Variants in ARHGAP6 observed in about 807,000 individuals in gnomAD.
ARHGAP6 encodes the protein Rho GTPase activating protein 6.
A neutral mutation model predicts 55.7 loss-of-function variants in ARHGAP6; 16 were observed. That is an observed-to-expected ratio of 0.29 (90% CI 0.19 to 0.44). The LOEUF (loss-of-function observed/expected upper bound fraction) is 0.44, where lower values mean the gene tolerates loss of function less well. Among genes scored for constraint, ARHGAP6 ranks in the 20% least tolerant of loss-of-function variants. ARHGAP6 has a pLI of 1.00. For synonymous variants in ARHGAP6, 382 were observed against 360.9 expected (o/e 1.06, Z -0.66); for missense variants, 698 against 808.9 (o/e 0.86, Z 1.66).
chrX:11,333,906 C>T (rs1312306084), intron 1 of ARHGAP6, among the ~76,000 whole-genome samples: 1 of 111,735 alleles, frequency 8.9e-6, no homozygotes, highest in Non-Finnish European at 1.9e-5. Context: ...TGAAATATTG[C>T]AGTGGCATAA....
chrX:11,352,131 C>G (rs2048870548), intron 1 of ARHGAP6, among the ~76,000 whole-genome samples: 1 of 112,584 alleles, frequency 8.9e-6, no homozygotes, highest in African/African-American at 3.2e-5. Context: ...TAATAGTCCT[C>G]TTGAATAAGT....
At chrX:11,624,581 T>G (rs763606767) in intron 1 of ARHGAP6, among the ~76,000 whole-genome samples, 12 of 112,925 alleles carry the variant, frequency 1.1e-4, no homozygotes, top group Non-Finnish European at 1.9e-5. Flanking sequence ...TTTTTTTCTT[T>G]TTTTTGAGAC....
At chrX:11,147,408 G>A (rs1478367093) in intron 10 of ARHGAP6, among the ~76,000 whole-genome samples, 2 of 112,783 alleles carry the variant, frequency 1.8e-5, no homozygotes, top group Non-Finnish European at 3.7e-5. Context: ...AACAGAGAGA[G>A]AGTAGGATTG....
intron 1 of ARHGAP6, among the ~76,000 whole-genome samples, chrX:11,611,689 CCT>C (rs1288944264): frequency 9.0e-6 from 1 of 111,656 alleles, no homozygotes; most frequent in African/African-American, 3.3e-5. Context: ...CAGTAAATCC[CCT>C]CTTTACAATA....
At position 11,139,135 on chromosome X, in the gene ARHGAP6, G is replaced by A; in HGVS notation, c.2653C>T (p.Pro885Ser). The A allele has an allele frequency of 1.7e-6, 2 of 1,206,071 alleles. No individual in the cohort carries two copies. The highest frequency in any genetic ancestry group is 2.2e-6 in the Non-Finnish European group (2 of 893,491). ...RDDKRPPPPY[P>S]GPGKPAAAAA... ...GCTGCCGCGGGCTTCCCTGGGCCCG[G>A]GTATGGAGGCGGGGGCCGCTTGTCA... The change falls in exon 13 of 13, where the codon CCG becomes TCG. Residue 885 changes from proline (P) to serine (S), a missense_variant. Coordinates refer to ENST00000337414, the MANE Select transcript of ARHGAP6 (RefSeq NM_013427.3).
At chrX:11,643,770 T>C (rs1157649352) in intron 1 of ARHGAP6, among the ~76,000 whole-genome samples, 1 of 111,488 alleles carries the variant, frequency 9.0e-6, no homozygotes, top group African/African-American at 3.3e-5. Context: ...GCATAGTTTC[T>C]AGCCTATGCC....
At chrX:11,478,628 A>C (rs1045561506) in intron 1 of ARHGAP6, among the ~76,000 whole-genome samples, 2 of 111,512 alleles carry the variant, frequency 1.8e-5, no homozygotes, top group African/African-American at 6.5e-5. Context: ...AATTTCTTCA[A>C]GACGTACACT....
intron 1 of ARHGAP6, chrX:11,300,493 C>A: frequency 1.6e-6 from 1 of 623,595 alleles, no homozygotes; most frequent in Non-Finnish European, 2.6e-6. Flanking sequence ...TAGAGTTCAA[C>A]TTAAATGGTT....
At chrX:11,567,566 A>AAAAAAAAAAAAAAAATATATATATAT (rs1440758737) in intron 1 of ARHGAP6, among the ~76,000 whole-genome samples, 13 of 84,399 alleles carry the variant, frequency 1.5e-4, no homozygotes, top group Non-Finnish European at 2.1e-4. Flanking sequence ...AAAAAAAAAA[A>AAAAAAAAAAAAAAAATATATATATAT]ATATATATAT....
At chrX:11,499,425 C>CT (rs1211094080) in intron 1 of ARHGAP6, among the ~76,000 whole-genome samples, 1 of 111,867 alleles carries the variant, frequency 8.9e-6, no homozygotes, top group African/African-American at 3.2e-5. Flanking sequence ...CACTGTAGGA[C>CT]TTTTTTTCTA....
intron 1 of ARHGAP6, among the ~76,000 whole-genome samples, chrX:11,389,161 C>A (rs2049371085): frequency 9.0e-6 from 1 of 111,596 alleles, no homozygotes; most frequent in Non-Finnish European, 1.9e-5. Context: ...CAACGCATGA[C>A]AAATCCCTTA....
intron 2 of ARHGAP6, among the ~76,000 whole-genome samples, chrX:11,234,994 G>T (rs908802540): frequency 8.9e-6 from 1 of 112,325 alleles, no homozygotes; most frequent in African/African-American, 3.2e-5. Flanking sequence ...GACATCTGGG[G>T]TCTGGAGGAC....
chrX:11,622,787 T>C (rs762261098), intron 1 of ARHGAP6, among the ~76,000 whole-genome samples: 84 of 111,734 alleles, frequency 7.5e-4, no homozygotes, highest in Non-Finnish European at 1.2e-3. Context: ...AATGTGTATA[T>C]GGATTAGAAA....
rs1007854997 is a variant in ARHGAP6, at chrX:11,352,161, G to A, written c.589-97454C>T. On this transcript the variant is annotated intron_variant, in intron 1 of 12. Transcript: ENST00000337414. ...ATAAGTGGAACTTACGTGTAGAAAGGTTACTGTTCTCATCAATAGCAAAGA... is the reference window on the plus strand; with the variant it reads ...ATAAGTGGAACTTACGTGTAGAAAGATTACTGTTCTCATCAATAGCAAAGA... Among the ~76,000 whole-genome samples, 4 of 112,474 alleles carry A rather than the reference G, an allele frequency of 3.6e-5. No homozygotes were observed. In the Admixed American group the frequency reaches 3.8e-4, roughly 11 times the overall value.
chrX:11,351,543 G>T, intron 1 of ARHGAP6: 1 of 891,100 alleles, frequency 1.1e-6, no homozygotes, highest in Non-Finnish European at 1.4e-6. Context: ...GTAGAAAGGG[G>T]AAGTGAGAAG....
chrX:11,139,485 G>A lies in ARHGAP6; in HGVS notation c.2303C>T (p.Pro768Leu), dbSNP rs975995808. ...IFESSSLRAG[P>L]CSLSQGNLSP... ...CAGGTTCCCTTGAGAAAGGGAGCAG[G>A]GCCCCGCTCTTAGGGAGCTGCTTTC... Residue 768 changes from proline (P) to leucine (L), a missense_variant, in exon 13 of 13, where the codon CCC becomes CTC. Transcript: ENST00000337414. 5 of 1,158,905 alleles carry A rather than the reference G, an allele frequency of 4.3e-6. No individual in the cohort carries two copies. Among genetic ancestry groups the A allele is most frequent in the Non-Finnish European group, 4.6e-6 (4 of 873,063 alleles).
At chrX:11,577,370 G>A (rs913763485) in intron 1 of ARHGAP6, among the ~76,000 whole-genome samples, 4 of 112,011 alleles carry the variant, frequency 3.6e-5, no homozygotes, top group African/African-American at 9.7e-5. Context: ...GAGACTCTGC[G>A]AGACAGAGTG....
At chrX:11,510,561 C>A (rs1028189941) in intron 1 of ARHGAP6, among the ~76,000 whole-genome samples, 1 of 111,263 alleles carries the variant, frequency 9.0e-6, no homozygotes, top group Admixed American at 9.7e-5. Context: ...AGAATGAATA[C>A]ACAAGGATAA....
At chrX:11,262,139 T>G (rs902400564) in intron 1 of ARHGAP6, among the ~76,000 whole-genome samples, 1 of 112,063 alleles carries the variant, frequency 8.9e-6, no homozygotes, top group African/African-American at 3.2e-5. Flanking sequence ...ATTATACACA[T>G]AAACAGAATC....
Sources: allele counts gnomAD v4.1 joint callset (sites outside exome capture counted in the v4.1 genomes callset), GRCh38; gene constraint gnomAD v4.1.1; transcripts MANE v1.5; gene names NCBI Gene and HGNC (gene_info 2026-07-23, HGNC 2026-07-21).